The following ALDH6A1 variants were observed in gnomAD, a reference collection of about 807,000 sequenced individuals.
ALDH6A1 encodes methylmalonate-semialdehyde/malonate-semialdehyde dehydrogenase [acylating], mitochondrial.
ALDH6A1 carries 43 observed loss-of-function variants against 62.6 expected under a neutral mutation model. That is an observed-to-expected ratio of 0.69 (90% CI 0.54 to 0.89). The LOEUF (loss-of-function observed/expected upper bound fraction) is 0.89, where lower values mean the gene tolerates loss of function less well. Among genes scored for constraint, ALDH6A1 ranks in the 40% least tolerant of loss-of-function variants. The pLI, the probability that ALDH6A1 is intolerant of heterozygous loss-of-function variation, is 0.00. For synonymous variants in ALDH6A1, 194 were observed against 234.2 expected (o/e 0.83, Z 1.57); for missense variants, 551 against 661.3 (o/e 0.83, Z 1.83).
At position 74,074,960 on chromosome 14, in the gene ALDH6A1, A is replaced by C. The variant is rs1358747291; in HGVS notation, c.106T>G (p.Ser36Ala). 3.7e-6 allele frequency: 6 copies of C among 1,614,052 alleles called. No individual in the cohort carries two copies. The Admixed American group carries it at 5.0e-5, about 13-fold the overall frequency. ...TCTATGCCAAATAAACTCACCACTGAAGAAGAGAAGGAAGATGCTGAATAC... is the reference window on the plus strand; with the variant it reads ...TCTATGCCAAATAAACTCACCACTGCAGAAGAGAAGGAAGATGCTGAATAC... The part of the protein sequence containing the change: ...TWYSASSFSS[S>A]VPTVKLFIGG... Residue 36 changes from serine (S) to alanine (A), a missense_variant, in exon 2 of 12, where the codon TCA becomes GCA. Transcript: ENST00000553458.
rs1393627263 is a variant in ALDH6A1 at position 74,067,506 on chromosome 14, C to A, written c.916G>T (p.Val306Phe). 1.2e-6 allele frequency: 2 copies of A among 1,614,202 alleles called. No homozygotes were observed. Among genetic ancestry groups the A allele is most frequent in the South Asian group, 2.2e-5 (2 of 91,088 alleles). ...ANKENTLNQL[V>F]GAAFGAAGQR... is the part of the protein sequence containing the mutation. The stretch of plus-strand genomic sequence containing the variant: ...CCAGCAGCTCCAAATGCTGCCCCAA[C>A]CAGCTGGTTCAGGGTATTTTCCTTA... Residue 306 changes from valine to phenylalanine, a missense_variant, in exon 8 of 12, where the codon GTT becomes TTT. Coordinates refer to ENST00000553458, the MANE Select transcript of ALDH6A1 (RefSeq NM_005589.4).
intron 1 of ALDH6A1, chr14:74,081,328 G>A (rs1165819266): frequency 6.6e-6 from 1 of 152,186 alleles, no homozygotes. Flanking sequence ...TACTCGCCAA[G>A]CAATCATTTG....
rs1566820300 is a variant in ALDH6A1, at chr14:74,057,562, T to C, written c.*3080A>G. 8.3e-6 allele frequency: 11 copies of C among 1,331,486 alleles called. No individual in the cohort carries two copies. Among genetic ancestry groups the C allele is most frequent in the Non-Finnish European group, 1.1e-5 (11 of 1,028,208 alleles). The allele number at this position is 1,331,486 out of a possible 1,614,324, so 82.5% of individuals were successfully genotyped here. On this transcript the variant is annotated 3_prime_UTR_variant, in exon 12 of 12. Coordinates refer to ENST00000553458, the MANE Select transcript of ALDH6A1 (RefSeq NM_005589.4). Reference sequence around the variant, plus strand: ...TACGTAAGAGTAAACATAGTGACCTTGTGACTCTTAGCTTTCCATCACAGG... The same window carrying C: ...TACGTAAGAGTAAACATAGTGACCTCGTGACTCTTAGCTTTCCATCACAGG...
intron 10 of ALDH6A1, 33 bp downstream of exon 10, chr14:74,065,148 T>A (rs1214978785): frequency 6.2e-7 from 1 of 1,610,088 alleles, no homozygotes; most frequent in Non-Finnish European, 8.5e-7. Flanking sequence ...AGTAAATGGA[T>A]ATAAGAATCT....
intron 1 of ALDH6A1, among the ~76,000 whole-genome samples, chr14:74,080,025 G>A (rs2060655429): frequency 6.6e-6 from 1 of 151,938 alleles, no homozygotes; most frequent in South Asian, 2.1e-4. Flanking sequence ...GTGACAGAGC[G>A]AGACCCTATC....
intron 11 of ALDH6A1, among the ~76,000 whole-genome samples, chr14:74,062,598 C>CA (rs887600653): frequency 6.6e-6 from 1 of 151,994 alleles, no homozygotes; most frequent in Non-Finnish European, 1.5e-5. Context: ...AAGATTCCAT[C>CA]AAAAAAACCC....
Position 74,064,851 on chromosome 14 carries a change from T to C in ALDH6A1, c.1474A>G (p.Arg492Gly). The C allele has an allele frequency of 6.2e-7, 1 of 1,614,022 alleles. No homozygotes were observed. The highest frequency in any genetic ancestry group is 8.5e-7 in the Non-Finnish European group (1 of 1,179,978). Residue 492 changes from arginine (R) to glycine (G), a missense_variant, in exon 11 of 12, where the codon AGG (arginine) becomes GGG (glycine). Arg to Gly is a moderately radical substitution (Grantham distance 125). Coordinates refer to ENST00000553458, the MANE Select transcript of ALDH6A1 (RefSeq NM_005589.4). ...TTGCCATAGAAATTGGTGTCTCCCC[T>C]GAAGGAGGATCGAGAGCCGGTGAAT... The part of the protein sequence containing the change: ...FSFTGSRSSF[R>G]GDTNFYGKQG...
At position 74,057,003 on chromosome 14, in the gene ALDH6A1, A is replaced by C; in HGVS notation, c.*3639T>G. 4 of 1,599,630 alleles carry C rather than the reference A, an allele frequency of 2.5e-6. No individual in the cohort carries two copies. Among genetic ancestry groups the C allele is most frequent in the Non-Finnish European group, 3.4e-6 (4 of 1,168,654 alleles). On this transcript the variant is annotated 3_prime_UTR_variant, in exon 12 of 12. Transcript: ENST00000553458. ...TGGGTAAGAGCTCTCTTGCTTAAGT[A>C]ATAAACATGAGCCCAACACGATGGT...
At chr14:74,072,042 A>AG in intron 4 of ALDH6A1, 68 bp from the exon 5 acceptor site, 1 of 1,578,906 alleles carries the variant, frequency 6.3e-7, no homozygotes, top group African/African-American at 1.3e-5. Context: ...GAGGTAGCAA[A>AG]GGAAGAATAA....
Position 74,057,356 on chromosome 14 carries a change from G to A in ALDH6A1, c.*3286C>T, listed in dbSNP as rs1270822207. ...CGGTTATTTTCTCTACTAGTTGAGA[G>A]ACTTCAGGGATCAGTGGAATGAGTA... On this transcript the variant is annotated 3_prime_UTR_variant, in exon 12 of 12. Coordinates refer to ENST00000553458, the MANE Select transcript of ALDH6A1 (RefSeq NM_005589.4). The A allele has an allele frequency of 6.3e-7, 1 of 1,578,862 alleles. No homozygotes were observed. Among genetic ancestry groups the A allele is most frequent in the Non-Finnish European group, 8.6e-7 (1 of 1,161,158 alleles).
chr14:74,061,078 A>G (rs1242846141), intron 11 of ALDH6A1, among the ~76,000 whole-genome samples: 1 of 137,974 alleles, frequency 7.2e-6, no homozygotes, highest in African/African-American at 2.7e-5. Context: ...CCCGGGTTCA[A>G]GCAGCTCTCC....
chr14:74,074,894 G>GATACCCAAAACT, intron 2 of ALDH6A1, 61 bp downstream of exon 2: 1 of 1,528,776 alleles, frequency 6.5e-7, no homozygotes, highest in Non-Finnish European at 9.1e-7. Context: ...AGAAGATAGA[G>GATACCCAAAACT]ATACCCAAAA....
chr14:74,082,318 T>C (rs1396973902), intron 1 of ALDH6A1, among the ~76,000 whole-genome samples: 3 of 150,262 alleles, frequency 2.0e-5, no homozygotes, highest in African/African-American at 7.3e-5. Context: ...ATACTTAAAA[T>C]AATTGAAAAC....
In ALDH6A1 at chr14:74,071,802, A is replaced by G. The variant is rs376418620; in HGVS notation, c.427+94T>C. The G allele has an allele frequency of 9.0e-5, 136 of 1,504,764 alleles. No individual in the cohort carries two copies. In the East Asian group the frequency reaches 2.0e-3, roughly 22 times the overall value. The allele number at this position is 1,504,764 out of a possible 1,614,324, so 93.2% of individuals were successfully genotyped here. On this transcript the variant is annotated intron_variant, in intron 5 of 11. Coordinates refer to ENST00000553458, the MANE Select transcript of ALDH6A1 (RefSeq NM_005589.4). ...AAGATATCATGGGATGGCAAAATCT[A>G]TGTAAAGGAAGAAGCAACCTCCCAT...
chr14:74,081,868 C>T (rs145497746), intron 1 of ALDH6A1, among the ~76,000 whole-genome samples: 23 of 152,276 alleles, frequency 1.5e-4, no homozygotes, highest in African/African-American at 5.1e-4. Context: ...GTTACTAGTT[C>T]GGTAACCATA....
intron 2 of ALDH6A1, 54 bp from the exon 3 acceptor site, chr14:74,072,665 G>A (rs1595127015): frequency 2.5e-6 from 4 of 1,586,100 alleles, no homozygotes; most frequent in Non-Finnish European, 3.4e-6. Flanking sequence ...CTTTGTATTA[G>A]CTAATTGCTT....
rs1401936215 is a variant in ALDH6A1, at chr14:74,071,323, A to T, written c.602T>A (p.Val201Glu). 1 of 1,614,174 alleles carries T rather than the reference A, an allele frequency of 6.2e-7. No homozygotes were observed. Among genetic ancestry groups the T allele is most frequent in the Non-Finnish European group, 8.5e-7 (1 of 1,180,028 alleles). Residue 201 changes from valine to glutamate, a missense_variant, in exon 6 of 12, where the codon GTG becomes GAG. Val to Glu is a moderately radical substitution (Grantham distance 121, BLOSUM62 -2). Transcript: ENST00000553458. Reference protein sequence around the residue: ...IPLWMFPMAMVCGNTFLMKPS... With the variant: ...IPLWMFPMAMECGNTFLMKPS... ...TTTCATTAGGAAGGTATTTCCACACACCATGGCCATGGGAAACATCCAAAG... is the reference window on the plus strand; with the variant it reads ...TTTCATTAGGAAGGTATTTCCACACTCCATGGCCATGGGAAACATCCAAAG...
rs1350556712 is a variant in ALDH6A1 at position 74,057,894 on chromosome 14, AGT to A, written c.*2746_*2747del. On this transcript the variant is annotated 3_prime_UTR_variant, in exon 12 of 12. Coordinates refer to ENST00000553458, the MANE Select transcript of ALDH6A1 (RefSeq NM_005589.4). The stretch of plus-strand genomic sequence containing the variant: ...TAATTAGAGCATCACAGTTCTGATT[AGT>A]GTGTTTTTTTAGAAGTGATTTCCCT... The A allele has an allele frequency of 9.0e-6, 9 of 998,584 alleles. No homozygotes were observed. The African/African-American group carries it at 1.6e-4, about 17-fold the overall frequency. The allele number at this position is 998,584 out of a possible 1,614,324, so 61.9% of individuals were successfully genotyped here.
chr14:74,080,368 C>CTTTT (rs35450547), intron 1 of ALDH6A1, among the ~76,000 whole-genome samples: 12 of 128,992 alleles, frequency 9.3e-5, no homozygotes, highest in East Asian at 2.3e-4. Context: ...TAAACTCTTT[C>CTTTT]TTTTTTTTTT....
Sources: gnomAD v4.1 joint callset for allele counts (sites outside exome capture counted in the v4.1 genomes callset) on GRCh38, gnomAD v4.1.1 for gene constraint, MANE v1.5 for transcripts, NCBI Gene and HGNC (gene_info 2026-07-23, HGNC 2026-07-21) for gene names.